Variants in ST14 observed in about 807,000 individuals in gnomAD.
ST14 encodes the protein ST14 transmembrane serine protease matriptase, also known as suppressor of tumorigenicity 14 protein.
A neutral mutation model predicts 96.5 loss-of-function variants in ST14; 40 were observed. That is an observed-to-expected ratio of 0.41 (90% CI 0.32 to 0.54). The LOEUF is 0.54. ST14 is among the 20% of genes least tolerant of loss of function. The pLI, the probability that ST14 is intolerant of heterozygous loss-of-function variation, is 0.17. For missense variants in ST14, 1,066 were observed against 1,188.9 expected (o/e 0.90, Z 1.52); for synonymous variants, 506 against 492.1 (o/e 1.03, Z -0.37).
intron 17 of ST14, among the ~76,000 whole-genome samples, chr11:130,208,893 C>T (rs1243495110): frequency 1.3e-5 from 2 of 152,132 alleles, no homozygotes; most frequent in South Asian, 4.1e-4. Flanking sequence ...TTGGCTTTGC[C>T]CCTAACTAGC....
At chr11:130,170,883 G>A (rs1953086483) in intron 1 of ST14, among the ~76,000 whole-genome samples, 1 of 151,780 alleles carries the variant, frequency 6.6e-6, no homozygotes, top group Admixed American at 6.6e-5. Context: ...AATCAACACT[G>A]TATTTATTGA....
intron 16 of ST14, among the ~76,000 whole-genome samples, chr11:130,206,283 C>T (rs1358588473): frequency 6.6e-6 from 1 of 152,164 alleles, no homozygotes; most frequent in African/African-American, 2.4e-5. Context: ...GTGAAGGGGG[C>T]TGGTCGGGAG....
In ST14 at chr11:130,190,128, C is replaced by T. The variant is rs200687598; in HGVS notation, c.614C>T (p.Thr205Ile). ...SVVAFPTDSK[T>I]VQRTQDNSCS... ...TATTCTTCAGCCACGGACTCCAAAA[C>T]AGTACAGAGGACCCAGGACAGTAAG... The change falls in exon 6 of 19, where the codon ACA becomes ATA. Residue 205 changes from threonine to isoleucine, a missense_variant. By Grantham distance (89) the Thr-to-Ile change is moderately conservative (BLOSUM62 -1). Transcript: ENST00000278742. 6.2e-7 allele frequency: 1 copy of T among 1,614,192 alleles called. No individual in the cohort carries two copies. Among genetic ancestry groups the T allele is most frequent in the African/African-American group, 1.3e-5 (1 of 75,050 alleles).
chr11:130,173,685 G>A (rs1461192), intron 1 of ST14, among the ~76,000 whole-genome samples: 11,511 of 152,026 alleles, frequency 0.076, 591 homozygotes, highest in East Asian at 0.16. Context: ...AGTGAGGAGC[G>A]ACCTGGCAGG....
chr11:130,160,095 G>T, intron 1 of ST14, 35 bp downstream of exon 1: 1 of 1,360,892 alleles, frequency 7.3e-7, no homozygotes. Context: ...GCGCTGGGAA[G>T]CTCCTGCCCG....
Position 130,188,274 on chromosome 11 carries a change from G to T in ST14, c.241+1G>T. 2 of 1,612,950 alleles carry T rather than the reference G, an allele frequency of 1.2e-6. No homozygotes were observed. Among genetic ancestry groups the T allele is most frequent in the Non-Finnish European group, 1.7e-6 (2 of 1,179,220 alleles). ...GGCTTCCTGGTGTGGCATTTGCAGT[G>T]TGAGTAAAGCTGGGGCTGGCTCCGG... On this transcript the variant is annotated splice_donor_variant, in intron 2 of 18. Coordinates refer to ENST00000278742, the MANE Select transcript of ST14 (RefSeq NM_021978.4). LOFTEE classifies it high-confidence loss of function. The surrounding 1 kb of genome is among the most constrained non-coding windows in gnomAD (Gnocchi z 5.4).
chr11:130,160,667 C>T (rs192281537), intron 1 of ST14, among the ~76,000 whole-genome samples: 5 of 152,298 alleles, frequency 3.3e-5, no homozygotes, highest in African/African-American at 1.2e-4. Context: ...TGGGAACACA[C>T]ATGTCTTGAG....
At chr11:130,196,520 C>A in intron 10 of ST14, 50 bp from the exon 11 acceptor site, 1 of 1,526,206 alleles carries the variant, frequency 6.6e-7, no homozygotes, top group Non-Finnish European at 9.0e-7. Flanking sequence ...ACCCCCAGCC[C>A]CCCGGCTCCC....
chr11:130,199,047 C>T lies in ST14; in HGVS notation c.1785C>T (p.Asp595=), dbSNP rs777296827. ...GTGACGGGAAGGAGGACTGTAGCGACGGCTCAGATGAGAAGGACTGCGGTG... is the reference window on the plus strand; with the variant it reads ...GTGACGGGAAGGAGGACTGTAGCGATGGCTCAGATGAGAAGGACTGCGGTG... The part of the protein sequence containing the change: ...PECDGKEDCS[D]GSDEKDCDCG... Residue 595 remains aspartate (D), a synonymous_variant, in exon 15 of 19, where the codon GAC becomes GAT. Coordinates refer to ENST00000278742, the MANE Select transcript of ST14 (RefSeq NM_021978.4). 19 of 1,613,750 alleles carry T rather than the reference C, an allele frequency of 1.2e-5. No homozygotes were observed. Among genetic ancestry groups the T allele is most frequent in the Admixed American group, 3.3e-5 (2 of 60,000 alleles).
Position 130,181,375 on chromosome 11 carries a change from C to G in ST14, c.82-6739C>G, listed in dbSNP as rs1015070991. ...GAGCTGTGTTTCTGGGTCCTTTGGC[C>G]AGGATCTAACTACAGTGGGCCAGCA... On this transcript the variant is annotated intron_variant, in intron 1 of 18. Coordinates refer to ENST00000278742, the MANE Select transcript of ST14 (RefSeq NM_021978.4). This position sits in a 1 kb window ranked among gnomAD's most constrained non-coding sequence, Gnocchi z 4.1. Among the ~76,000 whole-genome samples, 3 of 152,110 alleles carry G rather than the reference C, an allele frequency of 2.0e-5. No individual in the cohort carries two copies. The highest frequency in any genetic ancestry group is 4.4e-5 in the Non-Finnish European group (3 of 68,010).
intron 16 of ST14, 74 bp from the exon 17 acceptor site, chr11:130,208,336 G>C: frequency 6.2e-7 from 1 of 1,605,248 alleles, no homozygotes. Flanking sequence ...AATCCTCTGG[G>C]AACGCGCGGG....
At chr11:130,186,841 T>C (rs1440708212) in intron 1 of ST14, among the ~76,000 whole-genome samples, 1 of 152,138 alleles carries the variant, frequency 6.6e-6, no homozygotes, top group Non-Finnish European at 1.5e-5. Context: ...TATTTAGAAA[T>C]ATAGAGACAG....
chr11:130,189,576 T>G, intron 4 of ST14, 163 bp from the exon 5 acceptor site: 3 of 871,364 alleles, frequency 3.4e-6, no homozygotes, highest in Non-Finnish European at 5.3e-6. Context: ...GCCTCTTGCT[T>G]TGGGGTGGAA....
chr11:130,185,252 A>G (rs891659556), intron 1 of ST14, among the ~76,000 whole-genome samples: 6 of 152,338 alleles, frequency 3.9e-5, no homozygotes, highest in Admixed American at 6.5e-5. Flanking sequence ...AAATTTTGAT[A>G]CCAAAAATGA....
chr11:130,189,835 C>T lies in ST14; in HGVS notation c.537C>T (p.Val179=). Residue 179 remains valine (V), a synonymous_variant, in exon 5 of 19, where the codon GTC becomes GTT. Coordinates refer to ENST00000278742, the MANE Select transcript of ST14 (RefSeq NM_021978.4). ...AERVMAEERV[V]MLPPRARSLK... is the part of the protein sequence containing the mutation. ...GCGTCATGGCCGAGGAGCGCGTAGT[C>T]ATGCTGCCCCCGCGGGCGCGCTCCC... The T allele has an allele frequency of 1.9e-6, 3 of 1,613,964 alleles. No homozygotes were observed. The highest frequency in any genetic ancestry group is 2.2e-5 in the East Asian group (1 of 44,864).
chr11:130,179,193 CTGCTCCTGA>C (rs2136207426), intron 1 of ST14, among the ~76,000 whole-genome samples: 1 of 152,314 alleles, frequency 6.6e-6, no homozygotes, highest in East Asian at 1.9e-4. Context: ...ATCCGAGGCC[CTGCTCCTGA>C]TGCATGACAT....
rs1953248978 is a variant in ST14 at position 130,187,498 on chromosome 11, A to G, written c.82-616A>G. Reference sequence around the variant, plus strand: ...CTTGAGGTCCTGGACTGGGGCTCCCAAGGTTAAACACAGAGCAGTTTTTTC... The same window carrying G: ...CTTGAGGTCCTGGACTGGGGCTCCCGAGGTTAAACACAGAGCAGTTTTTTC... On this transcript the variant is annotated intron_variant, in intron 1 of 18. Coordinates refer to ENST00000278742, the MANE Select transcript of ST14 (RefSeq NM_021978.4). This position sits in a 1 kb window ranked among gnomAD's most constrained non-coding sequence, Gnocchi z 4.5. 6.6e-6 allele frequency among the ~76,000 whole-genome samples: 1 copy of G among 152,192 alleles called. No individual in the cohort carries two copies. The highest frequency in any genetic ancestry group is 2.4e-5 in the African/African-American group (1 of 41,444).
Position 130,190,582 on chromosome 11 carries a change from G to C in ST14, c.763G>C (p.Val255Leu). Residue 255 changes from valine to leucine, a missense_variant, in exon 7 of 19, where the codon GTG (valine) becomes CTG (leucine). Coordinates refer to ENST00000278742, the MANE Select transcript of ST14 (RefSeq NM_021978.4). ...QWALRGDADS[V>L]LSLTFRSFDL... is the part of the protein sequence containing the mutation. ...GGCCCTGCGGGGGGACGCCGACTCA[G>C]TGCTGAGCCTCACCTTCCGCAGCTT... The C allele has an allele frequency of 6.2e-7, 1 of 1,612,960 alleles. No homozygotes were observed. Among genetic ancestry groups the C allele is most frequent in the Non-Finnish European group, 8.5e-7 (1 of 1,179,868 alleles).
At chr11:130,190,306 C>A (rs1292514944) in intron 6 of ST14, 148 bp from the exon 7 acceptor site, 2 of 1,481,294 alleles carry the variant, frequency 1.4e-6, no homozygotes, top group East Asian at 4.5e-5. Flanking sequence ...TCTGAGAAGC[C>A]CCCTTCCTGA....
Sources: allele counts gnomAD v4.1 joint callset (sites outside exome capture counted in the v4.1 genomes callset), GRCh38; gene constraint gnomAD v4.1.1; non-coding constraint Gnocchi (gnomAD v3.1); transcripts MANE v1.5; gene names NCBI Gene and HGNC (gene_info 2026-07-23, HGNC 2026-07-21).